The following C5orf24 variants were observed in gnomAD, a reference collection of about 807,000 sequenced individuals.
The protein encoded by C5orf24 is UPF0461 protein C5orf24.
A neutral mutation model predicts 9.8 loss-of-function variants in C5orf24; 4 were observed. That is an observed-to-expected ratio of 0.41 (90% confidence interval 0.20 to 0.93). The LOEUF is 0.93. Among genes scored for constraint, C5orf24 ranks in the 40% least tolerant of loss-of-function variants. The pLI, the probability that C5orf24 is intolerant of heterozygous loss-of-function variation, is 0.33. For synonymous variants in C5orf24, 73 were observed against 81.3 expected (o/e 0.90, Z 0.55); for missense variants, 170 against 236.9 (o/e 0.72, Z 1.85).
At chr5:134,840,358 C>T in the C5orf24 span, among the ~76,000 whole-genome samples, 1 of 149,798 alleles carries the variant, frequency 6.7e-6, no homozygotes, top group Non-Finnish European at 1.5e-5. Context: ...CTTAGCAGCA[C>T]CCTATTTATT....
In C5orf24 at chr5:134,846,110, C is replaced by T. The variant is rs988380136; in HGVS notation, c.-106C>T. 4.6e-5 allele frequency: 7 copies of T among 152,212 alleles called. No individual in the cohort carries two copies. Among genetic ancestry groups the T allele is most frequent in the African/African-American group, 1.7e-4 (7 of 41,456 alleles). The allele number at this position is 152,212 out of a possible 1,614,324, so 9.4% of individuals were successfully genotyped here. On this transcript the variant is annotated 5_prime_UTR_variant, in exon 1 of 2. Transcript: ENST00000394976. ...CTCCGTCTTGGCCCGTTCTCCGCAC[C>T]GTGCAGAGGCGGCGGGCTGGGGAGG...
chr5:134,848,702 C>T (rs928625328), intron 1 of C5orf24, among the ~76,000 whole-genome samples: 2 of 147,480 alleles, frequency 1.4e-5, no homozygotes, highest in African/African-American at 5.0e-5. Context: ...TGCCTCACGC[C>T]TGTAATCCCA....
rs987330306 is a variant in C5orf24, at chr5:134,859,273, G to T, written c.*3806G>T. 1.2e-5 allele frequency: 2 copies of T among 166,552 alleles called. No individual in the cohort carries two copies. Among genetic ancestry groups the T allele is most frequent in the Non-Finnish European group, 2.9e-5 (2 of 67,998 alleles). 10.3% of individuals were successfully genotyped at this position (166,552 alleles called of 1,614,324 possible). On this transcript the variant is annotated 3_prime_UTR_variant, in exon 2 of 2. Coordinates refer to ENST00000394976, the MANE Select transcript of C5orf24 (RefSeq NM_001135586.1). ...AGTTTTTCAAAAGATTTTTTTCCTT[G>T]GACATAAAAAATTTTGATGCTATTC... is the stretch of plus-strand genomic sequence containing the variant.
intron 1 of C5orf24, among the ~76,000 whole-genome samples, chr5:134,849,656 T>TTC (rs1274853193): frequency 7.0e-6 from 1 of 142,366 alleles, no homozygotes; most frequent in East Asian, 2.0e-4. Context: ...TCTTTTTTTT[T>TTC]TTTTTTTTTT....
chr5:134,842,494 G>GAA (rs34006309), upstream of C5orf24, among the ~76,000 whole-genome samples: 3 of 128,278 alleles, frequency 2.3e-5, no homozygotes, highest in African/African-American at 8.6e-5. Flanking sequence ...GACTCCATCT[G>GAA]AAAAAAAAAA....
At chr5:134,853,709 T>C (rs1756230361) in intron 1 of C5orf24, among the ~76,000 whole-genome samples, 1 of 151,834 alleles carries the variant, frequency 6.6e-6, no homozygotes, top group Admixed American at 6.6e-5. Context: ...TAAGGGAAGA[T>C]GATCCACACT....
At chr5:134,852,939 G>T (rs1165185091) in intron 1 of C5orf24, among the ~76,000 whole-genome samples, 2 of 152,166 alleles carry the variant, frequency 1.3e-5, no homozygotes, top group Non-Finnish European at 2.9e-5. Flanking sequence ...GCCGAGGCAG[G>T]CAGATCACGA....
chr5:134,841,224 C>T (rs1461481285), upstream of C5orf24, among the ~76,000 whole-genome samples: 2 of 151,782 alleles, frequency 1.3e-5, no homozygotes, highest in African/African-American at 4.8e-5. Context: ...GTAAAAATAA[C>T]GTTTGTAGTT....
upstream of C5orf24, among the ~76,000 whole-genome samples, chr5:134,840,724 G>T (rs1226794785): frequency 2.0e-5 from 3 of 151,506 alleles, no homozygotes; most frequent in Admixed American, 2.0e-4. Flanking sequence ...GTATTGGCAG[G>T]GTCTCCCTAT....
At chr5:134,833,890 C>T in the C5orf24 span, among the ~76,000 whole-genome samples, 3 of 152,018 alleles carry the variant, frequency 2.0e-5, no homozygotes, top group African/African-American at 7.3e-5. Context: ...AACTTGTTCT[C>T]TTCCAAATAT....
At chr5:134,845,026 G>A (rs1755955202), upstream of C5orf24, among the ~76,000 whole-genome samples, 1 of 152,238 alleles carries the variant, frequency 6.6e-6, no homozygotes, top group Admixed American at 6.5e-5. Context: ...GTGAGCCACC[G>A]CACCCAGGCT....
rs1414025760 is a variant in C5orf24, at chr5:134,856,828, C to T, written c.*1361C>T. ...TGGTAGACTGTAAAACTGGTATAAACAGAATGCAGTTTCCCGACCATCAGA... is the reference window on the plus strand; with the variant it reads ...TGGTAGACTGTAAAACTGGTATAAATAGAATGCAGTTTCCCGACCATCAGA... On this transcript the variant is annotated 3_prime_UTR_variant, in exon 2 of 2. Coordinates refer to ENST00000394976, the MANE Select transcript of C5orf24 (RefSeq NM_001135586.1). 1 of 1,000,100 alleles carries T rather than the reference C, an allele frequency of 1.0e-6. No homozygotes were observed. Among genetic ancestry groups the T allele is most frequent in the Admixed American group, 6.2e-5 (1 of 16,244 alleles). 62.0% of individuals were successfully genotyped at this position (1,000,100 alleles called of 1,614,324 possible). A position where few individuals can be genotyped will look rare whatever the true frequency, so the allele number is the denominator to read the frequency against.
Position 134,855,079 on chromosome 5 carries a change from A to G in C5orf24, c.179A>G (p.Asn60Ser), listed in dbSNP as rs1343982356. 1 of 1,614,050 alleles carries G rather than the reference A, an allele frequency of 6.2e-7. No individual in the cohort carries two copies. Among genetic ancestry groups the G allele is most frequent in the African/African-American group, 1.3e-5 (1 of 74,932 alleles). The change falls in exon 2 of 2, where the codon AAT becomes AGT. Residue 60 changes from asparagine (N) to serine (S), a missense_variant. Around this residue, in one of 3 missense-constraint regions of C5orf24, gnomAD observed 93 missense variants for 104.5 expected, o/e 0.89. Transcript: ENST00000394976. ...GTTTGTCAGAGGCAAGACCCATTAA[A>G]TGAAACACACTTGCAGACTACAAGT... is the stretch of plus-strand genomic sequence containing the variant. ...PMVCQRQDPL[N>S]ETHLQTTSGR...
chr5:134,840,663 A>G, the C5orf24 span, among the ~76,000 whole-genome samples: 1 of 151,740 alleles, frequency 6.6e-6, no homozygotes, highest in African/African-American at 2.4e-5. Context: ...CATCCTAAGT[A>G]GTTGGGACCA....
At chr5:134,845,755 TC>T (rs1037865923), upstream of C5orf24, 7 of 152,252 alleles carry the variant, frequency 4.6e-5, no homozygotes, top group African/African-American at 1.7e-4. Flanking sequence ...AGTTATTAAT[TC>T]CCCATTTGGT....
intron 1 of C5orf24, among the ~76,000 whole-genome samples, chr5:134,852,182 C>T (rs1054148194): frequency 1.3e-5 from 2 of 152,152 alleles, no homozygotes; most frequent in African/African-American, 2.4e-5. Context: ...CTTTGTGATC[C>T]GCCTGCCTCG....
At position 134,855,518 on chromosome 5, in the gene C5orf24, C is replaced by T; in HGVS notation, c.*51C>T. ...TTAGAAGGAAGATTGTGAATAATCCCAAAGCTTCTTGGTTTTATTTTGATA... is the reference window on the plus strand; with the variant it reads ...TTAGAAGGAAGATTGTGAATAATCCTAAAGCTTCTTGGTTTTATTTTGATA... On this transcript the variant is annotated 3_prime_UTR_variant, in exon 2 of 2. Coordinates refer to ENST00000394976, the MANE Select transcript of C5orf24 (RefSeq NM_001135586.1). 1.9e-6 allele frequency: 3 copies of T among 1,594,364 alleles called. No individual in the cohort carries two copies. Among genetic ancestry groups the T allele is most frequent in the Non-Finnish European group, 2.6e-6 (3 of 1,174,914 alleles).
upstream of C5orf24, chr5:134,845,963 C>T (rs2150170931): frequency 6.6e-6 from 1 of 152,342 alleles, no homozygotes; most frequent in Non-Finnish European, 1.5e-5. Flanking sequence ...GCGCACGCCG[C>T]CTCTAACACT....
Position 134,855,691 on chromosome 5 carries a change from T to C in C5orf24, c.*224T>C. On this transcript the variant is annotated 3_prime_UTR_variant, in exon 2 of 2. Transcript: ENST00000394976. ...TGTACATAGGTTCAAGTGTAACACC[T>C]AACTAAATCATTTTTCCTTTTCCTT... 7.1e-7 allele frequency: 1 copy of C among 1,415,294 alleles called. No individual in the cohort carries two copies. The highest frequency in any genetic ancestry group is 1.5e-5 in the African/African-American group (1 of 68,930). 87.7% of individuals were successfully genotyped at this position (1,415,294 alleles called of 1,614,324 possible).
Sources: gnomAD v4.1 joint callset for allele counts (sites outside exome capture counted in the v4.1 genomes callset) on GRCh38, gnomAD v4.1.1 for gene constraint, gnomAD v4.1.1 regional missense constraint, MANE v1.5 for transcripts, NCBI Gene and HGNC (gene_info 2026-07-23, HGNC 2026-07-21) for gene names.